The following CDC45 variants were observed in gnomAD, a reference collection of about 807,000 sequenced individuals.
The protein encoded by CDC45 is cell division cycle 45.
In CDC45, 54 loss-of-function variants were observed where a neutral mutation model predicts 77.8. The ratio of observed to expected loss-of-function variants is 0.69; its 90% confidence interval spans 0.56 to 0.87. The LOEUF is 0.87. Among genes scored for constraint, CDC45 ranks in the 40% least tolerant of loss-of-function variants. The pLI, the probability that CDC45 is intolerant of heterozygous loss-of-function variation, is 0.00. For synonymous variants in CDC45, 260 were observed against 272.1 expected (o/e 0.96, Z 0.44); for missense variants, 649 against 721.6 (o/e 0.90, Z 1.15).
chr22:19,489,045 G>A (rs965671521), intron 5 of CDC45, among the ~76,000 whole-genome samples: 4 of 152,066 alleles, frequency 2.6e-5, no homozygotes, highest in African/African-American at 9.7e-5. Flanking sequence ...GTGTGGTGGT[G>A]CACACCTATG....
chr22:19,495,634 A>G (rs1601945741), intron 6 of CDC45, among the ~76,000 whole-genome samples: 1 of 152,332 alleles, frequency 6.6e-6, no homozygotes, highest in East Asian at 1.9e-4. Flanking sequence ...CCTGGACAAC[A>G]TAGTGAGACT....
In CDC45 at chr22:19,494,462, T is replaced by A. The variant is rs1005061205; in HGVS notation, c.542+80T>A. 21 of 1,587,128 alleles carry A rather than the reference T, an allele frequency of 1.3e-5. No homozygotes were observed. The Admixed American group carries it at 2.8e-4, about 21-fold the overall frequency. ...CTGTGGTGCCACCCATACCTCTGAC[T>A]TCCTGTCTCAGGATAATTTATTGAG... On this transcript the variant is annotated intron_variant, in intron 6 of 18. Coordinates refer to ENST00000263201, the MANE Select transcript of CDC45 (RefSeq NM_003504.5).
intron 9 of CDC45, among the ~76,000 whole-genome samples, chr22:19,499,826 G>T (rs1252869222): frequency 6.6e-6 from 1 of 152,184 alleles, no homozygotes; most frequent in African/African-American, 2.4e-5. Context: ...ACCCCAACAT[G>T]CTGGTCCTCT....
chr22:19,507,313 C>T lies in CDC45; in HGVS notation c.825-73C>T, dbSNP rs570548728. ...AGAAAGGGCCCCGCCATCAGAGTGG[C>T]CCACCTGCTGGAGTTACGAGAGTGC... On this transcript the variant is annotated intron_variant, in intron 10 of 18. Transcript: ENST00000263201. 194 of 1,566,410 alleles carry T rather than the reference C, an allele frequency of 1.2e-4. 2 individuals carry two copies. The South Asian group carries it at 2.1e-3, about 17-fold the overall frequency.
chr22:19,493,157 G>A (rs1048340330), intron 5 of CDC45, among the ~76,000 whole-genome samples: 6 of 152,140 alleles, frequency 3.9e-5, no homozygotes, highest in Non-Finnish European at 7.4e-5. Flanking sequence ...ATGGGCTACT[G>A]CCTAAAAGCT....
chr22:19,481,071 C>T lies in CDC45; in HGVS notation c.204+26C>T, dbSNP rs976372365. 6.1e-6 allele frequency: 9 copies of T among 1,471,684 alleles called. No homozygotes were observed. The African/African-American group carries it at 6.9e-5, about 11-fold the overall frequency. 91.2% of individuals were successfully genotyped at this position (1,471,684 alleles called of 1,614,324 possible). A position where few individuals can be genotyped will look rare whatever the true frequency, so the allele number is the denominator to read the frequency against. On this transcript the variant is annotated intron_variant, in intron 3 of 18. Transcript: ENST00000263201. ...GTATTGAAGATGCGTTTTAGAATAA[C>T]GTGGCTTTTTACTCAATTGTAATTT...
intron 11 of CDC45, 48 bp downstream of exon 11, chr22:19,507,565 A>C: frequency 6.2e-7 from 1 of 1,609,580 alleles, no homozygotes. Context: ...GCCACCCCCA[A>C]GGGAAAAGCC....
chr22:19,481,530 C>T (rs1283854671), intron 3 of CDC45, among the ~76,000 whole-genome samples: 2 of 151,890 alleles, frequency 1.3e-5, no homozygotes, highest in Non-Finnish European at 2.9e-5. Flanking sequence ...AGGCACCCGC[C>T]ACCACACCTG....
chr22:19,505,358 C>T lies in CDC45; in HGVS notation c.705-4C>T. ...GCCGAGGCTTGTGCTACTTTTTTTT[C>T]CAGAATGAAATACGTGACTGATGTT... On this transcript the variant is annotated splice_polypyrimidine_tract_variant and splice_region_variant and intron_variant, in intron 9 of 18. Coordinates refer to ENST00000263201, the MANE Select transcript of CDC45 (RefSeq NM_003504.5). The T allele has an allele frequency of 6.2e-7, 1 of 1,613,892 alleles. No individual in the cohort carries two copies.
At position 19,520,425 on chromosome 22, in the gene CDC45, A is replaced by G. The variant is rs1188137666; in HGVS notation, c.*2-56A>G. 1 of 152,180 alleles carries G rather than the reference A, an allele frequency of 6.6e-6. No homozygotes were observed. The highest frequency in any genetic ancestry group is 1.5e-5 in the Non-Finnish European group (1 of 68,040). 9.4% of individuals were successfully genotyped at this position (152,180 alleles called of 1,614,324 possible). On this transcript the variant is annotated intron_variant, in intron 18 of 18. Coordinates refer to ENST00000263201, the MANE Select transcript of CDC45 (RefSeq NM_003504.5). The surrounding 1 kb of genome is among the most constrained non-coding windows in gnomAD (Gnocchi z 4.5). The stretch of plus-strand genomic sequence containing the variant: ...AGGGGACGCCTGGGCAGTTTCTTCA[A>G]TTCGGTGGCACATCAACATCGTTTG...
chr22:19,483,778 A>G, intron 4 of CDC45, 84 bp from the exon 5 acceptor site: 1 of 1,296,362 alleles, frequency 7.7e-7, no homozygotes, highest in East Asian at 2.4e-5. Context: ...CTTATTAGGA[A>G]ATGATAAGAT....
chr22:19,493,426 G>GTT (rs55876348), intron 5 of CDC45, among the ~76,000 whole-genome samples: 1 of 148,330 alleles, frequency 6.7e-6, no homozygotes, highest in Non-Finnish European at 1.5e-5. Context: ...GTCTTACTTT[G>GTT]TTTTTTTTTT....
intron 9 of CDC45, among the ~76,000 whole-genome samples, chr22:19,501,503 T>C (rs989518354): frequency 1.1e-4 from 16 of 152,218 alleles, no homozygotes; most frequent in African/African-American, 3.1e-4. Context: ...TGTGGCCTCC[T>C]CAGAATCTTG....
Position 19,482,732 on chromosome 22 carries a change from C to G in CDC45, c.247C>G (p.Leu83Val). 2 of 1,612,036 alleles carry G rather than the reference C, an allele frequency of 1.2e-6. No homozygotes were observed. Among genetic ancestry groups the G allele is most frequent in the Non-Finnish European group, 1.7e-6 (2 of 1,178,138 alleles). ...CATAAACTGTGGAGCTAATGTAGAC[C>G]TATTGGATATTCTTCAACCTGATGA... ...ILINCGANVD[L>V]LDILQPDEDT... The change falls in exon 4 of 19, where the codon CTA becomes GTA. Residue 83 changes from leucine (L) to valine (V), a missense_variant. Leu to Val is a conservative substitution (Grantham distance 32, BLOSUM62 1). Coordinates refer to ENST00000263201, the MANE Select transcript of CDC45 (RefSeq NM_003504.5).
chr22:19,482,790 G>A lies in CDC45; in HGVS notation c.305G>A (p.Arg102Lys). The A allele has an allele frequency of 6.2e-7, 1 of 1,613,926 alleles. No homozygotes were observed. The highest frequency in any genetic ancestry group is 8.5e-7 in the Non-Finnish European group (1 of 1,179,858). ...ATATTCTTTGTGTGTGACACCCATAGGCCAGTCAATGTCGTCAATGTATAC... is the reference window on the plus strand; with the variant it reads ...ATATTCTTTGTGTGTGACACCCATAAGCCAGTCAATGTCGTCAATGTATAC... ...DTIFFVCDTH[R>K]PVNVVNVYND... The change falls in exon 4 of 19, where the codon AGG becomes AAG. Residue 102 changes from arginine to lysine, a missense_variant. Arg to Lys is a conservative substitution (Grantham distance 26). Coordinates refer to ENST00000263201, the MANE Select transcript of CDC45 (RefSeq NM_003504.5).
At chr22:19,503,308 C>T (rs890317434) in intron 9 of CDC45, among the ~76,000 whole-genome samples, 2 of 152,134 alleles carry the variant, frequency 1.3e-5, no homozygotes, top group African/African-American at 4.8e-5. Context: ...GCCCAGTGCC[C>T]AGCTTGGAGT....
intron 5 of CDC45, among the ~76,000 whole-genome samples, chr22:19,488,352 A>T (rs979855712): frequency 6.6e-6 from 1 of 152,238 alleles, no homozygotes; most frequent in African/African-American, 2.4e-5. Flanking sequence ...CTGGGCCCTC[A>T]GGTGGGGACT....
intron 3 of CDC45, among the ~76,000 whole-genome samples, chr22:19,481,388 A>T (rs1022599163): frequency 6.6e-6 from 1 of 151,028 alleles, no homozygotes; most frequent in South Asian, 2.1e-4. Flanking sequence ...TTTATTTTTT[A>T]TTTTTTTTGA....
In CDC45 at chr22:19,495,528, C is replaced by T. The variant is rs531116250; in HGVS notation, c.543-453C>T. Among the ~76,000 whole-genome samples the T allele has an allele frequency of 4.5e-4, 68 of 152,286 alleles. No homozygotes were observed. In the South Asian group the frequency reaches 0.014, roughly 31 times the overall value. The stretch of plus-strand genomic sequence containing the variant: ...ACACATATACATTCTGCTAAAGAGT[C>T]AATAAGTGGCCAGGTGTTGTGGCTC... On this transcript the variant is annotated intron_variant, in intron 6 of 18. Coordinates refer to ENST00000263201, the MANE Select transcript of CDC45 (RefSeq NM_003504.5).
Sources: allele counts gnomAD v4.1 joint callset (sites outside exome capture counted in the v4.1 genomes callset), GRCh38; gene constraint gnomAD v4.1.1; non-coding constraint Gnocchi (gnomAD v3.1); transcripts MANE v1.5; gene names NCBI Gene and HGNC (gene_info 2026-07-23, HGNC 2026-07-21).